UTRN: variants seen among roughly 807,000 people sequenced by gnomAD.
UTRN encodes the protein dystrophin-related protein 1.
A neutral mutation model predicts 463.9 loss-of-function variants in UTRN; 283 were observed. That is an observed-to-expected ratio of 0.61 (90% CI 0.55 to 0.67). The LOEUF (loss-of-function observed/expected upper bound fraction) is 0.67, where lower values mean the gene tolerates loss of function less well. Ranked by LOEUF, UTRN falls within the 30% of genes least tolerant of loss-of-function variation. The pLI, the probability that UTRN is intolerant of heterozygous loss-of-function variation, is 0.00. For missense variants in UTRN, 3,922 were observed against 4,084.3 expected (o/e 0.96, Z 1.08); for synonymous variants, 1,442 against 1,431.5 (o/e 1.01, Z -0.17).
intron 61 of UTRN, among the ~76,000 whole-genome samples, chr6:144,785,627 T>C (rs1776231984): frequency 6.6e-6 from 1 of 152,202 alleles, no homozygotes; most frequent in South Asian, 2.1e-4. Flanking sequence ...TTTTCATCTG[T>C]CATGGATGAC....
chr6:144,827,247 G>T, intron 66 of UTRN, 101 bp from the exon 67 acceptor site: 1 of 1,388,724 alleles, frequency 7.2e-7, no homozygotes, highest in South Asian at 1.2e-5. Context: ...ATATATGAGC[G>T]GAAGATAATT....
intron 2 of UTRN, among the ~76,000 whole-genome samples, chr6:144,301,451 G>A (rs372560787): frequency 6.6e-6 from 1 of 151,188 alleles, no homozygotes; most frequent in African/African-American, 2.4e-5. Flanking sequence ...CATCAAGGCA[G>A]ATTGCTCAGA....
intron 29 of UTRN, 140 bp downstream of exon 29, chr6:144,487,837 G>T (rs966392542): frequency 1.4e-6 from 1 of 707,014 alleles, no homozygotes; most frequent in Non-Finnish European, 2.2e-6. Flanking sequence ...CAGGGGCATT[G>T]AGGGTATTGA....
At position 144,782,039 on chromosome 6, in the gene UTRN, G is replaced by C; in HGVS notation, c.8750G>C (p.Gly2917Ala). ...VINCLTTTYD[G>A]LEQMHKDLVN... ...AACTGTCTGACAACAACTTATGATG[G>C]ACTTGAGCAAATGCATAAGGACCTG... Residue 2917 changes from glycine to alanine, a missense_variant, in exon 61 of 75, where the codon GGA becomes GCA. Coordinates refer to ENST00000367545, the MANE Select transcript of UTRN (RefSeq NM_007124.3). 1 of 1,614,012 alleles carries C rather than the reference G, an allele frequency of 6.2e-7. No individual in the cohort carries two copies. The highest frequency in any genetic ancestry group is 8.5e-7 in the Non-Finnish European group (1 of 1,179,964).
At chr6:144,643,227 T>C (rs1403475683) in intron 51 of UTRN, among the ~76,000 whole-genome samples, 2 of 152,078 alleles carry the variant, frequency 1.3e-5, no homozygotes, top group African/African-American at 4.8e-5. Flanking sequence ...ACATGAGTGG[T>C]TATCATTTTA....
At chr6:144,819,129 C>T (rs1462423071) in intron 65 of UTRN, among the ~76,000 whole-genome samples, 1 of 152,156 alleles carries the variant, frequency 6.6e-6, no homozygotes, top group Non-Finnish European at 1.5e-5. Context: ...AATCTGATGG[C>T]AAAGCCTGGT....
chr6:144,293,717 CA>C (rs537467680), intron 2 of UTRN, among the ~76,000 whole-genome samples: 2 of 152,200 alleles, frequency 1.3e-5, no homozygotes, highest in East Asian at 3.9e-4. Context: ...GTGTAATTCA[CA>C]AAAGGATGTT....
chr6:144,522,964 C>CT (rs1342213784), intron 40 of UTRN, 52 bp from the exon 41 acceptor site: 6 of 1,359,344 alleles, frequency 4.4e-6, no homozygotes, highest in African/African-American at 1.5e-5. Context: ...TCTGTGATTC[C>CT]TTTTTTTGTT....
chr6:144,612,146 T>A (rs1805593105), intron 51 of UTRN, among the ~76,000 whole-genome samples: 1 of 152,090 alleles, frequency 6.6e-6, no homozygotes, highest in Non-Finnish European at 1.5e-5. Context: ...TTCAATGCAT[T>A]ATGTTGGAAA....
rs1385482150 is a variant in UTRN at position 144,531,223 on chromosome 6, G to T, written c.6057+21G>T. 10 of 1,612,734 alleles carry T rather than the reference G, an allele frequency of 6.2e-6. No individual in the cohort carries two copies. The African/African-American group carries it at 1.3e-4, about 22-fold the overall frequency. ...AGCAGGTGAGTGCTTTCTGTTAGAG[G>T]AGGGGGACTGCACATATGGTTAGTG... On this transcript the variant is annotated intron_variant, in intron 42 of 74. Coordinates refer to ENST00000367545, the MANE Select transcript of UTRN (RefSeq NM_007124.3).
intron 34 of UTRN, 92 bp downstream of exon 34, chr6:144,499,519 T>G: frequency 9.2e-7 from 1 of 1,086,262 alleles, no homozygotes. Flanking sequence ...TCCCTCCATT[T>G]TATATTAAAT....
intron 2 of UTRN, among the ~76,000 whole-genome samples, chr6:144,394,320 C>T (rs1782201344): frequency 6.6e-6 from 1 of 152,136 alleles, no homozygotes; most frequent in Non-Finnish European, 1.5e-5. Context: ...AAAGGGACGT[C>T]TCTCATGGCA....
chr6:144,533,052 G>C, intron 42 of UTRN, 33 bp from the exon 43 acceptor site: 1 of 1,259,344 alleles, frequency 7.9e-7, no homozygotes, highest in Non-Finnish European at 1.1e-6. Context: ...TTACTTATTA[G>C]TGAAACTAAT....
chr6:144,753,113 G>C (rs1447572494), intron 56 of UTRN, among the ~76,000 whole-genome samples: 2 of 152,162 alleles, frequency 1.3e-5, no homozygotes, highest in African/African-American at 4.8e-5. Flanking sequence ...GCTGTCCAGG[G>C]AATCAGACAT....
At chr6:144,799,459 GGAA>G (rs531391992) in intron 64 of UTRN, 4 of 471,660 alleles carry the variant, frequency 8.5e-6, no homozygotes, top group Middle Eastern at 3.2e-4. Flanking sequence ...CACAAATGTT[GGAA>G]GAAGAAGAAT....
chr6:144,498,530 TA>T (rs1356803912), intron 33 of UTRN, among the ~76,000 whole-genome samples: 1 of 152,208 alleles, frequency 6.6e-6, no homozygotes. Context: ...GTTACTATAA[TA>T]CCGTATTTTT....
At chr6:144,598,823 C>T (rs530158444) in intron 51 of UTRN, among the ~76,000 whole-genome samples, 1 of 152,260 alleles carries the variant, frequency 6.6e-6, no homozygotes, top group East Asian at 1.9e-4. Context: ...ATTCCCATCA[C>T]GGCCTGAACT....
In UTRN at chr6:144,548,683, A is replaced by G; in HGVS notation, c.6639A>G (p.Ser2213=). 6.2e-7 allele frequency: 1 copy of G among 1,614,052 alleles called. No homozygotes were observed. The highest frequency in any genetic ancestry group is 8.5e-7 in the Non-Finnish European group (1 of 1,179,956). ...AGGTGGTGCTAGTATCATCTGCGTC[A>G]GATATTCCTGTTCAGTCTCATCGTA... ...VQKVVLVSSA[S]DIPVQSHRTS... is the part of the protein sequence containing the mutation. Residue 2213 remains serine, a synonymous_variant, in exon 47 of 75, where the codon TCA becomes TCG. Transcript: ENST00000367545.
At chr6:144,425,237 G>T (rs1785189897) in intron 6 of UTRN, among the ~76,000 whole-genome samples, 1 of 152,098 alleles carries the variant, frequency 6.6e-6, no homozygotes, top group Admixed American at 6.5e-5. Flanking sequence ...ATTAAGTTCA[G>T]GTTGTTCACT....
Sources: gnomAD v4.1 joint callset for allele counts (sites outside exome capture counted in the v4.1 genomes callset) on GRCh38, gnomAD v4.1.1 for gene constraint, MANE v1.5 for transcripts, NCBI Gene and HGNC (gene_info 2026-07-23, HGNC 2026-07-21) for gene names.